The following AGBL1 variants were observed in gnomAD, a reference collection of about 807,000 sequenced individuals.
The protein encoded by AGBL1 is AGBL carboxypeptidase 1, also known as cytosolic carboxypeptidase 4.
In AGBL1, 130 loss-of-function variants were observed where a neutral mutation model predicts 118.9. The ratio of observed to expected loss-of-function variants is 1.09; its 90% confidence interval spans 0.95 to 1.26. The LOEUF is 1.26. Ranked by LOEUF, AGBL1 falls within the 50% of genes most tolerant of loss-of-function variation. AGBL1 has a pLI of 0.00. For missense variants in AGBL1, 1,584 were observed against 1,298.1 expected (o/e 1.22, Z -3.38); for synonymous variants, 555 against 478.9 (o/e 1.16, Z -2.08).
intron 18 of AGBL1, among the ~76,000 whole-genome samples, chr15:86,442,479 C>A (rs1316622439): frequency 3.3e-5 from 5 of 152,196 alleles, no homozygotes; most frequent in Admixed American, 6.5e-5. Context: ...GGAATGTCAA[C>A]CCCGGAGCCT....
chr15:86,791,417 T>A (rs1331111215), intron 22 of AGBL1, among the ~76,000 whole-genome samples: 1 of 152,130 alleles, frequency 6.6e-6, no homozygotes, highest in Non-Finnish European at 1.5e-5. Context: ...TTAAAACAAG[T>A]AATTCACCTC....
At chr15:86,393,187 G>A (rs1567233462) in intron 17 of AGBL1, among the ~76,000 whole-genome samples, 1 of 152,154 alleles carries the variant, frequency 6.6e-6, no homozygotes, top group East Asian at 1.9e-4. Context: ...GTCTTGTGGT[G>A]TATTACAATA....
Position 86,644,851 on chromosome 15 carries a change from CAAAAA to C in AGBL1, c.2995-29405_2995-29401del, listed in dbSNP as rs11434077. ...TGAAACCTCATCTCTACTAAAAATACAAAAAAAAAAAAAAAAAAAAATAGCTGGGC... is the reference window on the plus strand; with the variant it reads ...TGAAACCTCATCTCTACTAAAAATACAAAAAAAAAAAAAAAATAGCTGGGC... On this transcript the variant is annotated intron_variant, in intron 21 of 22. Transcript: ENST00000614907. 6.0e-5 allele frequency among the ~76,000 whole-genome samples: 6 copies of C among 99,602 alleles called. No individual in the cohort carries two copies. The East Asian group carries it at 1.1e-3, about 19-fold the overall frequency. 65.3% of individuals were successfully genotyped at this position (99,602 alleles called of 152,430 possible).
chr15:86,707,735 C>A (rs2086478301), intron 22 of AGBL1, among the ~76,000 whole-genome samples: 1 of 152,092 alleles, frequency 6.6e-6, no homozygotes, highest in Non-Finnish European at 1.5e-5. Flanking sequence ...TTGAATTCTT[C>A]CATGACAAAA....
chr15:86,165,617 C>T (rs1008120939), intron 5 of AGBL1, among the ~76,000 whole-genome samples: 1 of 152,050 alleles, frequency 6.6e-6, no homozygotes, highest in African/African-American at 2.4e-5. Context: ...CTGAATTCCC[C>T]CTGGGTTTTA....
Position 86,514,042 on chromosome 15 carries a change from A to G in AGBL1, c.2556-8768A>G, listed in dbSNP as rs568732957. 1.8e-4 allele frequency among the ~76,000 whole-genome samples: 27 copies of G among 151,968 alleles called. No homozygotes were observed. In the South Asian group the frequency reaches 5.6e-3, roughly 32 times the overall value. On this transcript the variant is annotated intron_variant, in intron 18 of 22. Transcript: ENST00000614907. ...ATTCAATAATGGTATTTAGAAACTG[A>G]TATCTGGGAACTAGATATGTTTCTT...
intron 17 of AGBL1, among the ~76,000 whole-genome samples, chr15:86,341,163 G>A (rs770659847): frequency 4.6e-5 from 7 of 152,206 alleles, no homozygotes; most frequent in Admixed American, 1.3e-4. Context: ...CCCACTTAGG[G>A]TGCTTCATTG....
At chr15:86,525,299 T>C (rs1314363021) in intron 19 of AGBL1, among the ~76,000 whole-genome samples, 1 of 152,094 alleles carries the variant, frequency 6.6e-6, no homozygotes, top group African/African-American at 2.4e-5. Context: ...GAAGAATCAA[T>C]ATTTTGAAAA....
At chr15:86,480,645 A>G (rs2082638841) in intron 18 of AGBL1, among the ~76,000 whole-genome samples, 1 of 152,194 alleles carries the variant, frequency 6.6e-6, no homozygotes, top group Admixed American at 6.5e-5. Context: ...ACAAATGCCT[A>G]TGAATAAATA....
At chr15:86,851,818 G>C (rs1362238978) in intron 22 of AGBL1, among the ~76,000 whole-genome samples, 1 of 152,180 alleles carries the variant, frequency 6.6e-6, no homozygotes, top group Admixed American at 6.5e-5. Flanking sequence ...TATTCTCCAC[G>C]AGTTGCTGGA....
At chr15:86,491,128 G>C (rs899351600) in intron 18 of AGBL1, among the ~76,000 whole-genome samples, 1 of 151,956 alleles carries the variant, frequency 6.6e-6, no homozygotes, top group Non-Finnish European at 1.5e-5. Context: ...GAGCATGTGG[G>C]ATTCTATGTG....
chr15:86,219,222 C>G (rs1597574879), intron 5 of AGBL1, among the ~76,000 whole-genome samples: 1 of 152,228 alleles, frequency 6.6e-6, no homozygotes, highest in East Asian at 1.9e-4. Context: ...GAGATAAACC[C>G]ACTTCCTCAC....
At chr15:86,529,692 TA>T (rs1031363661) in intron 19 of AGBL1, among the ~76,000 whole-genome samples, 1 of 150,590 alleles carries the variant, frequency 6.6e-6, no homozygotes, top group African/African-American at 2.5e-5. Context: ...GAAAAAATGT[TA>T]AGAGCAGCCA....
intron 21 of AGBL1, among the ~76,000 whole-genome samples, chr15:86,564,804 A>C (rs1157281574): frequency 1.3e-5 from 2 of 152,156 alleles, no homozygotes; most frequent in Non-Finnish European, 2.9e-5. Context: ...ACATAGTCCC[A>C]TATTTCTTGG....
chr15:86,431,881 C>A (rs1259058410), intron 18 of AGBL1, among the ~76,000 whole-genome samples: 7 of 152,280 alleles, frequency 4.6e-5, no homozygotes, highest in African/African-American at 1.4e-4. Context: ...TAAATCATCT[C>A]AAAGGCTTCC....
At chr15:86,088,699 A>T (rs1567046213) in intron 1 of AGBL1, among the ~76,000 whole-genome samples, 1 of 152,242 alleles carries the variant, frequency 6.6e-6, no homozygotes, top group Non-Finnish European at 1.5e-5. Flanking sequence ...ATGTCAGGAT[A>T]AATTTACTAT....
intron 21 of AGBL1, among the ~76,000 whole-genome samples, chr15:86,616,428 A>G (rs578203189): frequency 1.2e-4 from 18 of 152,008 alleles, no homozygotes; most frequent in South Asian, 4.2e-4. Context: ...TGATGTTACT[A>G]TAGAGGTTGG....
chr15:86,674,212 A>G (rs1426307647), intron 21 of AGBL1, 61 bp from the exon 22 acceptor site: 7 of 1,486,658 alleles, frequency 4.7e-6, no homozygotes, highest in East Asian at 2.4e-5. Context: ...CCTAATTTCA[A>G]AGTGTCACCA....
chr15:86,494,906 A>G (rs1366562971), intron 18 of AGBL1, among the ~76,000 whole-genome samples: 2 of 151,562 alleles, frequency 1.3e-5, no homozygotes, highest in African/African-American at 2.4e-5. Flanking sequence ...TAATGCTAAT[A>G]TTTAACAAAG....
Sources: gnomAD v4.1 joint callset for allele counts (sites outside exome capture counted in the v4.1 genomes callset) on GRCh38, gnomAD v4.1.1 for gene constraint, MANE v1.5 for transcripts, NCBI Gene and HGNC (gene_info 2026-07-23, HGNC 2026-07-21) for gene names.